CDC42BPB: variants seen among roughly 807,000 people sequenced by gnomAD.
CDC42BPB encodes serine/threonine-protein kinase MRCK beta.
In CDC42BPB, 37 loss-of-function variants were observed where a neutral mutation model predicts 214.9. The observed-to-expected ratio is 0.17, with a 90% CI of 0.13 to 0.23. CDC42BPB has a LOEUF of 0.23. CDC42BPB is among the 10% of genes least tolerant of loss of function. CDC42BPB has a pLI of 1.00. For synonymous variants in CDC42BPB, 931 were observed against 884.0 expected, an observed-to-expected ratio of 1.05 and a Z score of -0.94; for missense variants, 1,694 against 2,227.0, an observed-to-expected ratio of 0.76 and a Z score of 4.82.
rs191711584 is a variant in CDC42BPB, at chr14:102,945,804, A to G, written c.3749-80T>C. 6 of 1,201,324 alleles carry G rather than the reference A, an allele frequency of 5.0e-6. No homozygotes were observed. The East Asian group carries it at 1.4e-4, about 28-fold the overall frequency. The allele number at this position is 1,201,324 out of a possible 1,614,324, so 74.4% of individuals were successfully genotyped here. A position where few individuals can be genotyped will look rare whatever the true frequency, so the allele number is the denominator to read the frequency against. On this transcript the variant is annotated intron_variant, in intron 28 of 36. Coordinates refer to ENST00000361246, the MANE Select transcript of CDC42BPB (RefSeq NM_006035.4). ...TGGGTTTGAATGCGTGGGTGGGCTC[A>G]TTCACAGATACTTTTCAACCATATG...
rs145670721 is a variant in CDC42BPB, at chr14:102,971,977, G to A, written c.1826C>T (p.Thr609Met). 74 of 1,614,062 alleles carry A rather than the reference G, an allele frequency of 4.6e-5. No individual in the cohort carries two copies. The highest frequency in any genetic ancestry group is 9.3e-5 in the African/African-American group (7 of 74,936). ...CTGCCGCATGGCGTCCACCTTCTGC[G>A]TGGCCACCTCCATCTCCTCCTCCTT... ...RDKEEEMEVA[T>M]QKVDAMRQEM... is the part of the protein sequence containing the mutation. The change falls in exon 13 of 37, where the codon ACG (threonine) becomes ATG (methionine). Residue 609 changes from threonine (T) to methionine (M), a missense_variant. Thr to Met is a moderately conservative substitution (Grantham distance 81). This residue lies in a region of CDC42BPB where 462 missense variants were observed against 513.5 expected (regional missense o/e 0.90). Coordinates refer to ENST00000361246, the MANE Select transcript of CDC42BPB (RefSeq NM_006035.4).
intron 1 of CDC42BPB, among the ~76,000 whole-genome samples, chr14:103,054,217 T>C (rs1198307327): frequency 6.6e-6 from 1 of 152,174 alleles, no homozygotes; most frequent in Non-Finnish European, 1.5e-5. Context: ...CCAAATTTCC[T>C]CACATATTCC....
In CDC42BPB at chr14:102,946,452, A is replaced by G; in HGVS notation, c.3748+16T>C. Reference sequence around the variant, plus strand: ...GTTGCTTCAGACACCTGAAGGACACAACCTTTGGGACGTACCCACGATGGC... The same window carrying G: ...GTTGCTTCAGACACCTGAAGGACACGACCTTTGGGACGTACCCACGATGGC... On this transcript the variant is annotated intron_variant, in intron 28 of 36. Transcript: ENST00000361246. 1 of 1,612,248 alleles carries G rather than the reference A, an allele frequency of 6.2e-7. No individual in the cohort carries two copies. Among genetic ancestry groups the G allele is most frequent in the Non-Finnish European group, 8.5e-7 (1 of 1,179,876 alleles).
At chr14:102,999,492 G>T in intron 5 of CDC42BPB, 73 bp downstream of exon 5, 1 of 1,511,200 alleles carries the variant, frequency 6.6e-7, no homozygotes. Flanking sequence ...GGACGGCCTG[G>T]ACTTGGGAGC....
rs545221031 is a variant in CDC42BPB at position 102,945,912 on chromosome 14, C to A, written c.3749-188G>T. Among the ~76,000 whole-genome samples the A allele has an allele frequency of 5.9e-5, 9 of 152,370 alleles. 1 individual carries two copies. In the South Asian group the frequency reaches 1.4e-3, roughly 25 times the overall value. ...CTCTACACGAACTCCACAGGGCCGG[C>A]TGACTGTGGGATTGAGTCTGCAAGG... On this transcript the variant is annotated intron_variant, in intron 28 of 36. Coordinates refer to ENST00000361246, the MANE Select transcript of CDC42BPB (RefSeq NM_006035.4).
rs374263616 is a variant in CDC42BPB, at chr14:102,959,838, T to A, written c.2822-128A>T. The A allele has an allele frequency of 3.6e-4, 261 of 718,782 alleles. No homozygotes were observed. The highest frequency in any genetic ancestry group is 2.2e-3 in the South Asian group (38 of 17,394). 44.5% of individuals were successfully genotyped at this position (718,782 alleles called of 1,614,324 possible). On this transcript the variant is annotated intron_variant, in intron 20 of 36. Coordinates refer to ENST00000361246, the MANE Select transcript of CDC42BPB (RefSeq NM_006035.4). ...CTGATACATCTGACATGATCACAAT[T>A]AAAAAAAAAAAAAAAAAAAAAAGGG...
chr14:102,992,185 G>A (rs536412821), intron 5 of CDC42BPB, among the ~76,000 whole-genome samples: 5 of 152,308 alleles, frequency 3.3e-5, no homozygotes, highest in South Asian at 2.1e-4. Context: ...TGCTGTGAGC[G>A]TGCAGTTTTG....
At chr14:102,935,241 A>G (rs1891598219) in intron 36 of CDC42BPB, among the ~76,000 whole-genome samples, 1 of 152,176 alleles carries the variant, frequency 6.6e-6, no homozygotes, top group Non-Finnish European at 1.5e-5. Flanking sequence ...CAAAAAACTA[A>G]TAAGCTCAGC....
chr14:102,980,734 C>T, intron 8 of CDC42BPB, 39 bp downstream of exon 8: 1 of 1,606,770 alleles, frequency 6.2e-7, no homozygotes, highest in Non-Finnish European at 8.5e-7. Context: ...ATGTCAGACC[C>T]ACAGCCAGCA....
intron 1 of CDC42BPB, among the ~76,000 whole-genome samples, chr14:103,051,255 G>C (rs1194852470): frequency 6.6e-6 from 1 of 151,752 alleles, no homozygotes; most frequent in Non-Finnish European, 1.5e-5. Context: ...TCATTAGCAA[G>C]AGAGGCTTTC....
Position 102,983,545 on chromosome 14 carries a change from C to G in CDC42BPB, c.891+11G>C. ...AGGTACCAAAAAAAAAAAAAAAATG[C>G]AACGTCTTACTTCATGGTTCATGAT... On this transcript the variant is annotated intron_variant, in intron 7 of 36. Coordinates refer to ENST00000361246, the MANE Select transcript of CDC42BPB (RefSeq NM_006035.4). The G allele has an allele frequency of 6.5e-7, 1 of 1,548,434 alleles. No individual in the cohort carries two copies. The highest frequency in any genetic ancestry group is 1.2e-5 in the South Asian group (1 of 84,170).
At chr14:102,958,174 T>C (rs1333470729) in intron 21 of CDC42BPB, among the ~76,000 whole-genome samples, 1 of 152,206 alleles carries the variant, frequency 6.6e-6, no homozygotes. Context: ...AAGGGACACA[T>C]GGATATGGGC....
chr14:102,981,672 G>A (rs955967146), intron 7 of CDC42BPB, among the ~76,000 whole-genome samples: 16 of 152,182 alleles, frequency 1.1e-4, no homozygotes, highest in African/African-American at 3.4e-4. Context: ...AGCTACCTGG[G>A]AGGCTGAGGC....
chr14:102,970,200 T>C lies in CDC42BPB; in HGVS notation c.1946A>G (p.His649Arg), dbSNP rs766686530. The change falls in exon 14 of 37, where the codon CAC (histidine) becomes CGC (arginine). Residue 649 changes from histidine (H) to arginine (R), a missense_variant. Coordinates refer to ENST00000361246, the MANE Select transcript of CDC42BPB (RefSeq NM_006035.4). ...CATTTGCTTGCAGAAGTTCTCGCTG[T>C]GCTCACGAAGCTTGCGCTCCTTGGA... ...EASKERKLRE[H>R]SENFCKQMES... 1.9e-6 allele frequency: 3 copies of C among 1,613,930 alleles called. No homozygotes were observed. The highest frequency in any genetic ancestry group is 2.5e-6 in the Non-Finnish European group (3 of 1,180,018).
chr14:103,033,474 G>A (rs1469103517), intron 1 of CDC42BPB, among the ~76,000 whole-genome samples: 4 of 151,848 alleles, frequency 2.6e-5, no homozygotes, highest in Admixed American at 6.6e-5. Flanking sequence ...CACCCACCTC[G>A]GCCTCCCAAA....
chr14:102,939,303 G>A (rs1347875741), intron 34 of CDC42BPB, among the ~76,000 whole-genome samples: 2 of 152,228 alleles, frequency 1.3e-5, no homozygotes, highest in Non-Finnish European at 2.9e-5. Flanking sequence ...GTGTTACTGA[G>A]AAATCACCAC....
chr14:103,017,823 C>T lies in CDC42BPB; in HGVS notation c.176-5635G>A, dbSNP rs1428878218. Among the ~76,000 whole-genome samples the T allele has an allele frequency of 5.3e-5, 8 of 152,300 alleles. No individual in the cohort carries two copies. In the South Asian group the frequency reaches 1.4e-3, roughly 28 times the overall value. ...CTACAGAGCAGAGTACCAGAAAATC[C>T]GCAATGCTTCAGTGGAATCTGAAGG... On this transcript the variant is annotated intron_variant, in intron 1 of 36. Transcript: ENST00000361246.
intron 1 of CDC42BPB, among the ~76,000 whole-genome samples, chr14:103,052,886 G>A (rs1053519285): frequency 2.0e-5 from 3 of 152,184 alleles, no homozygotes; most frequent in Non-Finnish European, 4.4e-5. Context: ...TAAGCTGTGG[G>A]AAAAATATTT....
Position 103,003,798 on chromosome 14 carries a change from C to T in CDC42BPB, c.447+130G>A, listed in dbSNP as rs1895103799. 8.4e-6 allele frequency: 5 copies of T among 596,374 alleles called. No individual in the cohort carries two copies. In the South Asian group the frequency reaches 1.4e-4, roughly 17 times the overall value. 36.9% of individuals were successfully genotyped at this position (596,374 alleles called of 1,614,324 possible). On this transcript the variant is annotated intron_variant, in intron 4 of 36. Coordinates refer to ENST00000361246, the MANE Select transcript of CDC42BPB (RefSeq NM_006035.4). ...AATTACTGCATGAAAACAAGCCCCG[C>T]CGTTTTATCGAGTCCAATACACATT...
Sources: allele counts gnomAD v4.1 joint callset (sites outside exome capture counted in the v4.1 genomes callset), GRCh38; gene constraint gnomAD v4.1.1; regional missense constraint gnomAD v4.1.1; transcripts MANE v1.5; gene names NCBI Gene and HGNC (gene_info 2026-07-23, HGNC 2026-07-21).